Variants in CNTNAP5 observed in about 807,000 individuals in gnomAD.
The protein encoded by CNTNAP5 is contactin-associated protein-like 5.
In CNTNAP5, 72 loss-of-function variants were observed where a neutral mutation model predicts 150.2. That is an observed-to-expected ratio of 0.48 (90% confidence interval 0.40 to 0.58). CNTNAP5 has a LOEUF of 0.58. Among genes scored for constraint, CNTNAP5 ranks in the 20% least tolerant of loss-of-function variants. The pLI is 0.00. For missense variants in CNTNAP5, 1,636 were observed against 1,626.2 expected, an observed-to-expected ratio of 1.01 and a Z score of -0.10; for synonymous variants, 672 against 619.8, an observed-to-expected ratio of 1.08 and a Z score of -1.25.
At chr2:124,062,097 A>G (rs559165739) in intron 1 of CNTNAP5, among the ~76,000 whole-genome samples, 6 of 152,228 alleles carry the variant, frequency 3.9e-5, no homozygotes, top group African/African-American at 1.2e-4. Flanking sequence ...CAGCCACCAC[A>G]TGGCCAATAC....
chr2:124,025,628 G>A lies in CNTNAP5; in HGVS notation c.-23G>A. 6.2e-7 allele frequency: 1 copy of A among 1,612,436 alleles called. No homozygotes were observed. Among genetic ancestry groups the A allele is most frequent in the Non-Finnish European group, 8.5e-7 (1 of 1,178,584 alleles). ...TACTGCGAATTTGGGATTCGATTGG[G>A]AGGGACCGCTCACTCGGGGGAAATG... On this transcript the variant is annotated 5_prime_UTR_variant, in exon 1 of 24. Coordinates refer to ENST00000682447, the MANE Select transcript of CNTNAP5 (RefSeq NM_001367498.1).
At chr2:124,396,701 AACTC>A (rs974744992) in intron 3 of CNTNAP5, among the ~76,000 whole-genome samples, 9 of 152,142 alleles carry the variant, frequency 5.9e-5, no homozygotes, top group African/African-American at 2.2e-4. Flanking sequence ...AATAAAGAAA[AACTC>A]ACTGAATTTC....
intron 3 of CNTNAP5, among the ~76,000 whole-genome samples, chr2:124,294,911 G>A (rs1688383251): frequency 1.3e-5 from 2 of 152,148 alleles, no homozygotes; most frequent in Non-Finnish European, 2.9e-5. Flanking sequence ...TTTGAAAACA[G>A]CCTGACCAAC....
chr2:124,694,662 T>C (rs1356081329), intron 13 of CNTNAP5, among the ~76,000 whole-genome samples: 1 of 152,180 alleles, frequency 6.6e-6, no homozygotes, highest in Admixed American at 6.6e-5. Context: ...TTATTATAAA[T>C]TTACTGGCAT....
chr2:124,206,795 C>T (rs1464180590), intron 1 of CNTNAP5, among the ~76,000 whole-genome samples: 1 of 152,086 alleles, frequency 6.6e-6, no homozygotes, highest in East Asian at 1.9e-4. Context: ...AAAGCTGTTT[C>T]CTGGGTGAGT....
intron 1 of CNTNAP5, among the ~76,000 whole-genome samples, chr2:124,103,670 T>C (rs1683111347): frequency 1.3e-5 from 2 of 151,950 alleles, no homozygotes; most frequent in African/African-American, 2.4e-5. Flanking sequence ...AAAGCCTAGG[T>C]CTGTAGTAGG....
intron 20 of CNTNAP5, 144 bp from the exon 21 acceptor site, chr2:124,869,531 C>T: frequency 3.5e-6 from 2 of 564,494 alleles, no homozygotes; most frequent in Non-Finnish European, 6.5e-6. Context: ...TTAGCGAGAC[C>T]TGTCTAATCT....
chr2:124,258,845 T>C (rs1687379683), intron 3 of CNTNAP5, among the ~76,000 whole-genome samples: 1 of 150,924 alleles, frequency 6.6e-6, no homozygotes, highest in African/African-American at 2.5e-5. Flanking sequence ...TAAAAGCATG[T>C]ATTAATATCC....
chr2:124,258,299 A>G (rs1406107049), intron 3 of CNTNAP5, among the ~76,000 whole-genome samples: 2 of 152,164 alleles, frequency 1.3e-5, no homozygotes. Context: ...TAATGCCCCT[A>G]GAATATGCTC....
chr2:124,244,432 C>T (rs1686967157), intron 3 of CNTNAP5, among the ~76,000 whole-genome samples: 1 of 152,102 alleles, frequency 6.6e-6, no homozygotes, highest in Non-Finnish European at 1.5e-5. Context: ...CCATTCCCTA[C>T]CTTGCATCCC....
intron 1 of CNTNAP5, among the ~76,000 whole-genome samples, chr2:124,111,464 G>A (rs922270601): frequency 7.9e-5 from 12 of 152,020 alleles, no homozygotes; most frequent in East Asian, 7.7e-4. Context: ...AATATCACTC[G>A]TACACTGATG....
intron 13 of CNTNAP5, among the ~76,000 whole-genome samples, chr2:124,688,122 C>G (rs1350344928): frequency 6.6e-6 from 1 of 152,032 alleles, no homozygotes; most frequent in Admixed American, 6.6e-5. Flanking sequence ...CATAAATTCT[C>G]TACTGCAAAT....
chr2:124,527,568 A>G (rs1042307754), intron 10 of CNTNAP5, 112 bp downstream of exon 10: 40 of 788,302 alleles, frequency 5.1e-5, no homozygotes, highest in Non-Finnish European at 7.2e-5. Context: ...CACATTAGAC[A>G]TAATTGAGTT....
intron 1 of CNTNAP5, among the ~76,000 whole-genome samples, chr2:124,193,401 G>A (rs2104698008): frequency 6.6e-6 from 1 of 152,288 alleles, no homozygotes; most frequent in East Asian, 1.9e-4. Flanking sequence ...TTTCAGGGCA[G>A]AGATCTTTGT....
At position 124,200,362 on chromosome 2, in the gene CNTNAP5, G is replaced by A. The variant is rs78960265; in HGVS notation, c.83-21343G>A. Among the ~76,000 whole-genome samples, 8 of 151,750 alleles carry A rather than the reference G, an allele frequency of 5.3e-5. No homozygotes were observed. The East Asian group carries it at 1.6e-3, about 29-fold the overall frequency. On this transcript the variant is annotated intron_variant, in intron 1 of 23. Transcript: ENST00000682447. ...CTCTTATTCATATATATTTCTTTTTGAGACACCACTCATTGTTATGGTTTT... is the reference window on the plus strand; with the variant it reads ...CTCTTATTCATATATATTTCTTTTTAAGACACCACTCATTGTTATGGTTTT...
chr2:124,419,651 A>G (rs11123044), intron 4 of CNTNAP5, among the ~76,000 whole-genome samples: 148,779 of 152,242 alleles, frequency 0.98, 72,784 homozygotes, highest in East Asian at 1. Context: ...AACCTCACCA[A>G]TAATGGGAAG....
At chr2:124,574,177 C>T (rs1480389126) in intron 11 of CNTNAP5, among the ~76,000 whole-genome samples, 8 of 152,240 alleles carry the variant, frequency 5.3e-5, no homozygotes, top group African/African-American at 1.9e-4. Flanking sequence ...ACCAGTAGAA[C>T]CCCGGTGGCA....
At chr2:124,552,328 C>T (rs945243594) in intron 10 of CNTNAP5, among the ~76,000 whole-genome samples, 8 of 152,186 alleles carry the variant, frequency 5.3e-5, no homozygotes, top group African/African-American at 1.7e-4. Flanking sequence ...CTACACCCCT[C>T]GTGAGTACTA....
At chr2:124,417,398 T>C in intron 3 of CNTNAP5, 45 bp from the exon 4 acceptor site, 2 of 1,575,294 alleles carry the variant, frequency 1.3e-6, no homozygotes, top group Non-Finnish European at 1.7e-6. Context: ...CCACTGAAAT[T>C]CCATGATAGC....
Sources: allele counts gnomAD v4.1 joint callset (sites outside exome capture counted in the v4.1 genomes callset), GRCh38; gene constraint gnomAD v4.1.1; transcripts MANE v1.5; gene names NCBI Gene and HGNC (gene_info 2026-07-23, HGNC 2026-07-21).